GRIN2A: variants seen among roughly 807,000 people sequenced by gnomAD.
GRIN2A encodes glutamate ionotropic receptor NMDA type subunit 2A.
GRIN2A carries 22 observed loss-of-function variants against 113.4 expected under a neutral mutation model. That is an observed-to-expected ratio of 0.19 (90% CI 0.14 to 0.28). GRIN2A has a LOEUF of 0.28. Among genes scored for constraint, GRIN2A ranks in the 10% least tolerant of loss-of-function variants. GRIN2A has a pLI of 1.00. For synonymous variants in GRIN2A, 827 were observed against 738.4 expected (o/e 1.12, Z -1.94); for missense variants, 1,502 against 1,887.0 (o/e 0.80, Z 3.78).
intron 2 of GRIN2A, among the ~76,000 whole-genome samples, chr16:9,951,569 T>C (rs542745007): frequency 9.2e-5 from 14 of 152,270 alleles, no homozygotes; most frequent in African/African-American, 3.4e-4. Flanking sequence ...AAGAAGAGGA[T>C]GAACTAATAT....
At chr16:9,778,830 G>A (rs1410432667) in intron 11 of GRIN2A, among the ~76,000 whole-genome samples, 2 of 152,196 alleles carry the variant, frequency 1.3e-5, no homozygotes, top group African/African-American at 4.8e-5. Flanking sequence ...CCTGATCATC[G>A]CTCTGGCACT....
intron 2 of GRIN2A, among the ~76,000 whole-genome samples, chr16:10,148,532 T>C (rs931758308): frequency 3.3e-5 from 5 of 152,236 alleles, no homozygotes; most frequent in Admixed American, 3.3e-4. Flanking sequence ...CCAACCTGTT[T>C]GATATCTGCT....
intron 2 of GRIN2A, among the ~76,000 whole-genome samples, chr16:10,024,533 T>C (rs373256965): frequency 6.6e-6 from 1 of 152,338 alleles, no homozygotes; most frequent in African/African-American, 2.4e-5. Flanking sequence ...CACGCACAGT[T>C]TTAAGCAAAA....
At chr16:9,919,129 C>T (rs997883249) in intron 3 of GRIN2A, among the ~76,000 whole-genome samples, 3 of 152,236 alleles carry the variant, frequency 2.0e-5, no homozygotes, top group African/African-American at 4.8e-5. Flanking sequence ...GCCTGGATCA[C>T]GCCCCTGCAC....
In GRIN2A at chr16:9,849,774, C is replaced by T. The variant is rs770071260; in HGVS notation, c.1310G>A (p.Arg437Gln). The change falls in exon 5 of 13, where the codon CGG (arginine) becomes CAG (glutamine). Residue 437 changes from arginine to glutamine, a missense_variant. Arg to Gln is a conservative substitution (Grantham distance 43). Transcript: ENST00000330684. ...ETCVRNTVPC[R>Q]KFVKINNSTN... is the part of the protein sequence containing the mutation. ...CACTCACTTGATTTTGACGAACTTC[C>T]GACATGGCACGGTGTTCCTCACACA... 9 of 1,613,774 alleles carry T rather than the reference C, an allele frequency of 5.6e-6. No homozygotes were observed. The highest frequency in any genetic ancestry group is 5.5e-5 in the South Asian group (5 of 91,066).
At chr16:10,141,570 G>T (rs2049327351) in intron 2 of GRIN2A, among the ~76,000 whole-genome samples, 1 of 152,298 alleles carries the variant, frequency 6.6e-6, no homozygotes, top group East Asian at 1.9e-4. Context: ...AAATCCAAAT[G>T]ACACCTGGAT....
At chr16:10,067,073 G>A (rs1362116259) in intron 2 of GRIN2A, among the ~76,000 whole-genome samples, 1 of 152,206 alleles carries the variant, frequency 6.6e-6, no homozygotes, top group Non-Finnish European at 1.5e-5. Flanking sequence ...TCCCCCAGCT[G>A]TGAACTCTCT....
At chr16:10,098,181 A>G (rs1230548250) in intron 2 of GRIN2A, among the ~76,000 whole-genome samples, 1 of 152,226 alleles carries the variant, frequency 6.6e-6, no homozygotes, top group African/African-American at 2.4e-5. Context: ...AAGACGTACA[A>G]ATGGCCAACA....
intron 2 of GRIN2A, among the ~76,000 whole-genome samples, chr16:10,064,639 T>C (rs1005993753): frequency 1.3e-5 from 2 of 152,234 alleles, no homozygotes; most frequent in Non-Finnish European, 2.9e-5. Context: ...GAAATTAATA[T>C]GGTGACTAAA....
At chr16:10,054,176 A>G (rs1442695725) in intron 2 of GRIN2A, among the ~76,000 whole-genome samples, 1 of 152,230 alleles carries the variant, frequency 6.6e-6, no homozygotes, top group Non-Finnish European at 1.5e-5. Flanking sequence ...GCGAAAAAAA[A>G]GAAGCCAAAT....
At chr16:10,100,520 C>T (rs1347690658) in intron 2 of GRIN2A, among the ~76,000 whole-genome samples, 3 of 152,184 alleles carry the variant, frequency 2.0e-5, no homozygotes, top group Non-Finnish European at 4.4e-5. Context: ...AGCCCACTCA[C>T]CTCCCAGTGA....
In GRIN2A at chr16:10,123,480, C is replaced by T. The variant is rs556412624; in HGVS notation, c.414+56518G>A. 3.9e-5 allele frequency among the ~76,000 whole-genome samples: 6 copies of T among 152,274 alleles called. No individual in the cohort carries two copies. In the South Asian group the frequency reaches 6.2e-4, roughly 16 times the overall value. On this transcript the variant is annotated intron_variant, in intron 2 of 12. Transcript: ENST00000330684. ...GCCATAGTTTGCAAGATACTGAAGT[C>T]GCACGTTGTTTCTAAGAACACTGAT...
At chr16:9,787,981 G>C (rs1032055440) in intron 11 of GRIN2A, among the ~76,000 whole-genome samples, 4 of 152,336 alleles carry the variant, frequency 2.6e-5, no homozygotes, top group Non-Finnish European at 5.9e-5. Flanking sequence ...GCAGGAGTGA[G>C]TCATCTGGTG....
chr16:10,141,148 G>A (rs556856019), intron 2 of GRIN2A, among the ~76,000 whole-genome samples: 9 of 152,012 alleles, frequency 5.9e-5, no homozygotes, highest in Non-Finnish European at 1.2e-4. Context: ...GAGCCAGATC[G>A]TGCCACTGCA....
intron 11 of GRIN2A, among the ~76,000 whole-genome samples, chr16:9,778,080 A>G (rs1383324063): frequency 4.6e-5 from 7 of 152,194 alleles, no homozygotes; most frequent in Admixed American, 4.6e-4. Flanking sequence ...AACAACAACA[A>G]AAAACCCAAC....
intron 11 of GRIN2A, among the ~76,000 whole-genome samples, chr16:9,778,323 C>T (rs907045098): frequency 1.3e-5 from 2 of 152,158 alleles, no homozygotes; most frequent in East Asian, 1.9e-4. Flanking sequence ...TCTGCTTAAC[C>T]AATCTGCCTC....
intron 2 of GRIN2A, among the ~76,000 whole-genome samples, chr16:9,944,943 G>A (rs116933821): frequency 1.3e-5 from 2 of 152,118 alleles, no homozygotes; most frequent in African/African-American, 4.8e-5. Context: ...TGAATCTAGG[G>A]AAGGAGGCTA....
chr16:9,760,581 C>T lies in GRIN2A; in HGVS notation c.*2568G>A, dbSNP rs1204468915. On this transcript the variant is annotated 3_prime_UTR_variant, in exon 13 of 13. Coordinates refer to ENST00000330684, the MANE Select transcript of GRIN2A (RefSeq NM_001134407.3). ...AGGCCACGTTTTCAGTTTCTTTATC[C>T]AGAGATGTATGGGGTTAATAGCAGA... 4 of 218,998 alleles carry T rather than the reference C, an allele frequency of 1.8e-5. No individual in the cohort carries two copies. The highest frequency in any genetic ancestry group is 6.7e-5 in the African/African-American group (3 of 44,494). 13.6% of individuals were successfully genotyped at this position (218,998 alleles called of 1,614,324 possible). A position where few individuals can be genotyped will look rare whatever the true frequency, so the allele number is the denominator to read the frequency against.
Position 10,078,135 on chromosome 16 carries a change from C to T in GRIN2A, c.414+101863G>A, listed in dbSNP as rs146783026. On this transcript the variant is annotated intron_variant, in intron 2 of 12. Transcript: ENST00000330684. The stretch of plus-strand genomic sequence containing the variant: ...ATTGCATGTCAATGCCTCAATAAAG[C>T]TGTTAAATTAGAAAATGTTAGTAAT... 1.5e-3 allele frequency among the ~76,000 whole-genome samples: 228 copies of T among 152,292 alleles called. 3 individuals are homozygous for T. The highest frequency in any genetic ancestry group is 5.4e-3 in the African/African-American group (223 of 41,568).
Sources: gnomAD v4.1 joint callset for allele counts (sites outside exome capture counted in the v4.1 genomes callset) on GRCh38, gnomAD v4.1.1 for gene constraint, MANE v1.5 for transcripts, NCBI Gene and HGNC (gene_info 2026-07-23, HGNC 2026-07-21) for gene names.